Variants in WDSUB1 observed in about 807,000 individuals in gnomAD.
WDSUB1 encodes the protein WD repeat, SAM and U-box domain-containing protein 1.
In WDSUB1, 49 loss-of-function variants were observed where a neutral mutation model predicts 53.9. The ratio of observed to expected loss-of-function variants is 0.91; its 90% CI spans 0.72 to 1.15. WDSUB1 has a LOEUF of 1.15. Among genes scored for constraint, WDSUB1 ranks in the 50% most tolerant of loss-of-function variants. WDSUB1 has a pLI of 0.00. For missense variants in WDSUB1, 514 were observed against 562.0 expected (o/e 0.91, Z 0.86); for synonymous variants, 194 against 200.6 (o/e 0.97, Z 0.28).
chr2:159,249,796 T>G (rs1484514512), intron 9 of WDSUB1, among the ~76,000 whole-genome samples: 3 of 151,650 alleles, frequency 2.0e-5, no homozygotes, highest in Admixed American at 2.0e-4. Flanking sequence ...CTGGGTACAG[T>G]GGCTCATGCC....
intron 3 of WDSUB1, among the ~76,000 whole-genome samples, chr2:159,278,524 T>C (rs1457583076): frequency 6.6e-6 from 1 of 151,902 alleles, no homozygotes; most frequent in Non-Finnish European, 1.5e-5. Context: ...AACAGAAAAA[T>C]AAAGCATGCA....
At chr2:159,254,203 T>G (rs2061012192) in intron 9 of WDSUB1, among the ~76,000 whole-genome samples, 2 of 152,250 alleles carry the variant, frequency 1.3e-5, no homozygotes, top group African/African-American at 4.8e-5. Flanking sequence ...CTGCTAAACC[T>G]GAGACTCATC....
chr2:159,261,849 TA>T (rs1395140771), intron 5 of WDSUB1, among the ~76,000 whole-genome samples: 1 of 14,226 alleles, frequency 7.0e-5, no homozygotes, highest in Non-Finnish European at 1.0e-4. Flanking sequence ...CTGAAACTCA[TA>T]TATATATATA....
intron 5 of WDSUB1, among the ~76,000 whole-genome samples, chr2:159,261,291 C>T (rs371823156): frequency 7.9e-5 from 12 of 152,028 alleles, no homozygotes; most frequent in African/African-American, 2.4e-4. Flanking sequence ...ATGCAAATAT[C>T]ACACCATTTT....
chr2:159,262,990 C>T (rs1447504446), intron 5 of WDSUB1, among the ~76,000 whole-genome samples: 1 of 152,158 alleles, frequency 6.6e-6, no homozygotes, highest in African/African-American at 2.4e-5. Flanking sequence ...GGTATTCAAC[C>T]TTTTGATACT....
intron 4 of WDSUB1, among the ~76,000 whole-genome samples, chr2:159,272,795 T>C (rs2151131640): frequency 1.3e-5 from 2 of 152,350 alleles, no homozygotes; most frequent in South Asian, 4.1e-4. Context: ...ATATTATCTT[T>C]ATAAAATATA....
rs1361382547 is a variant in WDSUB1 at position 159,259,826 on chromosome 2, A to G, written c.788T>C (p.Val263Ala). Residue 263 changes from valine to alanine, a missense_variant, in exon 6 of 11, where the codon GTC (valine) becomes GCC (alanine). By Grantham distance (64) the Val-to-Ala change is moderately conservative. Coordinates refer to ENST00000359774, the MANE Select transcript of WDSUB1 (RefSeq NM_001128212.3). ...MLVSGSVDKS[V>A]IVYDTNTENI... ...AATACTTACAGTATCATATACTATG[A>G]CAGACTTATCCACTGACCTTAAAAG... The G allele has an allele frequency of 7.2e-6, 11 of 1,528,892 alleles. No homozygotes were observed. The highest frequency in any genetic ancestry group is 1.4e-5 in the African/African-American group (1 of 72,498). The allele number at this position is 1,528,892 out of a possible 1,614,324, so 94.7% of individuals were successfully genotyped here.
chr2:159,273,635 G>T (rs1035379631), intron 4 of WDSUB1, among the ~76,000 whole-genome samples: 2 of 152,170 alleles, frequency 1.3e-5, no homozygotes, highest in African/African-American at 2.4e-5. Flanking sequence ...GGCCAGGCTG[G>T]TATCAAACTC....
At chr2:159,242,176 A>G (rs766996578) in intron 10 of WDSUB1, among the ~76,000 whole-genome samples, 1 of 146,534 alleles carries the variant, frequency 6.8e-6, no homozygotes, top group Non-Finnish European at 1.5e-5. Context: ...TCAGCCTCCC[A>G]AGCAGCTGGG....
chr2:159,266,517 A>G (rs1457831894), intron 5 of WDSUB1, among the ~76,000 whole-genome samples: 1 of 152,110 alleles, frequency 6.6e-6, no homozygotes, highest in Admixed American at 6.6e-5. Flanking sequence ...AATGTGAAGG[A>G]ATCTTAAGAC....
intron 2 of WDSUB1, among the ~76,000 whole-genome samples, chr2:159,281,112 C>T (rs1450147948): frequency 6.6e-6 from 1 of 152,200 alleles, no homozygotes; most frequent in Non-Finnish European, 1.5e-5. Context: ...GACCAACTAG[C>T]ATTTGTGCTC....
intron 3 of WDSUB1, among the ~76,000 whole-genome samples, chr2:159,277,457 T>C (rs2061567436): frequency 6.6e-6 from 1 of 152,218 alleles, no homozygotes; most frequent in Non-Finnish European, 1.5e-5. Context: ...AAAATTCAGC[T>C]AAGACAATGG....
At chr2:159,264,581 G>A (rs988122151) in intron 5 of WDSUB1, among the ~76,000 whole-genome samples, 1 of 152,160 alleles carries the variant, frequency 6.6e-6, no homozygotes, top group Non-Finnish European at 1.5e-5. Flanking sequence ...ATGCCTAGCG[G>A]AAAATAAATG....
intron 10 of WDSUB1, among the ~76,000 whole-genome samples, chr2:159,237,520 C>CA (rs879593540): frequency 0.044 from 6,066 of 138,536 alleles, 382 homozygotes; most frequent in African/African-American, 0.15. Flanking sequence ...GACTCCATCT[C>CA]AAAAAAAAAA....
At chr2:159,261,077 C>T (rs2061178124) in intron 5 of WDSUB1, among the ~76,000 whole-genome samples, 1 of 152,120 alleles carries the variant, frequency 6.6e-6, no homozygotes, top group African/African-American at 2.4e-5. Context: ...GTCAGCCCTC[C>T]ATATCCACAG....
intron 5 of WDSUB1, 128 bp from the exon 6 acceptor site, chr2:159,259,971 G>C: frequency 9.5e-7 from 1 of 1,047,872 alleles, no homozygotes; most frequent in Non-Finnish European, 1.3e-6. Context: ...CATTTAGAAT[G>C]CAATCCTTTT....
At position 159,244,386 on chromosome 2, in the gene WDSUB1, T is replaced by TAA. The variant is rs11437326; in HGVS notation, c.1273+3984_1273+3985dup. Among the ~76,000 whole-genome samples the TAA allele has an allele frequency of 9.9e-3, 1,169 of 118,068 alleles. 16 individuals carry two copies. The highest frequency in any genetic ancestry group is 0.024 in the African/African-American group (891 of 36,948). The allele number at this position is 118,068 out of a possible 152,430, so 77.5% of individuals were successfully genotyped here. A position where few individuals can be genotyped will look rare whatever the true frequency, so the allele number is the denominator to read the frequency against. ...ATCCACTGATTCAACTAACTGCTGATAAAAAAAAAAAAAAAGCCAATACAG... is the reference window on the plus strand; with the variant it reads ...ATCCACTGATTCAACTAACTGCTGATAAAAAAAAAAAAAAAAAGCCAATACAG... On this transcript the variant is annotated intron_variant, in intron 10 of 10. Transcript: ENST00000359774.
chr2:159,257,875 A>G lies in WDSUB1; in HGVS notation c.846-11T>C. ...CAAGTTGTGACATACCTAGTTAATA[A>G]AAACAACTATTATGTATCTTCTGAC... is the stretch of plus-strand genomic sequence containing the variant. On this transcript the variant is annotated splice_polypyrimidine_tract_variant and intron_variant, in intron 7 of 10. Coordinates refer to ENST00000359774, the MANE Select transcript of WDSUB1 (RefSeq NM_001128212.3). The G allele has an allele frequency of 6.2e-7, 1 of 1,612,986 alleles. No homozygotes were observed. The highest frequency in any genetic ancestry group is 8.5e-7 in the Non-Finnish European group (1 of 1,179,006).
intron 10 of WDSUB1, among the ~76,000 whole-genome samples, 159 bp downstream of exon 10, chr2:159,248,213 T>C (rs968306384): frequency 1.3e-5 from 2 of 152,094 alleles, no homozygotes; most frequent in Non-Finnish European, 2.9e-5. Flanking sequence ...AATTTCATTA[T>C]GAAATATACA....
Sources: gnomAD v4.1 joint callset for allele counts (sites outside exome capture counted in the v4.1 genomes callset) on GRCh38, gnomAD v4.1.1 for gene constraint, MANE v1.5 for transcripts, NCBI Gene and HGNC (gene_info 2026-07-23, HGNC 2026-07-21) for gene names.